HELZ2: variants seen among roughly 807,000 people sequenced by gnomAD.
HELZ2 encodes 3'-5' exoribonuclease HELZ2.
Under a neutral mutation model 208.8 loss-of-function variants are expected in HELZ2, and 143 were observed. The observed-to-expected ratio is 0.68, with a 90% CI of 0.60 to 0.79. HELZ2 has a LOEUF of 0.79. HELZ2 is among the 30% of genes least tolerant of loss of function. The pLI is 0.00. For missense variants in HELZ2, 3,690 were observed against 3,794.5 expected, an observed-to-expected ratio of 0.97 and a Z score of 0.72; for synonymous variants, 1,705 against 1,693.7, an observed-to-expected ratio of 1.01 and a Z score of -0.16.
chr20:63,562,848 C>T (rs750388568), exon 8 of HELZ2: 5 of 1,609,138 alleles, frequency 3.1e-6, no homozygotes, highest in East Asian at 2.2e-5. Flanking sequence ...TCGAGGAAGG[C>T]GGCCTCCAGG....
At chr20:63,562,026 C>G (rs2082893616) in intron 10 of HELZ2, 42 bp from the exon 12 acceptor site, 2 of 1,599,088 alleles carry the variant, frequency 1.3e-6, no homozygotes, top group Non-Finnish European at 8.5e-7. Flanking sequence ...CCCTGTGGGT[C>G]CCTGTGGCCC....
chr20:63,563,475 G>A (rs2146011000), exon 8 of HELZ2: 1 of 1,517,134 alleles, frequency 6.6e-7, no homozygotes. Flanking sequence ...GCCAGGGCGT[G>A]GGGGTGCTCG....
exon 6 of HELZ2, chr20:63,567,015 C>T (rs184746795): frequency 2.5e-6 from 4 of 1,611,212 alleles, no homozygotes; most frequent in Admixed American, 3.3e-5. Flanking sequence ...CGTGGCAGAA[C>T]ATGAGCGGGT....
chr20:63,560,430 C>T (rs1273093621), intron 16 of HELZ2, 49 bp downstream of exon 17: 2 of 1,597,214 alleles, frequency 1.3e-6, no homozygotes. Context: ...ACCACCTCAG[C>T]CACCTCCTCC....
chr20:63,564,156 G>A, exon 8 of HELZ2: 2 of 1,611,690 alleles, frequency 1.2e-6, no homozygotes, highest in South Asian at 1.1e-5. Flanking sequence ...CGGGGTGCTG[G>A]CTGCCACCGC....
exon 6 of HELZ2, chr20:63,567,144 G>A: frequency 1.2e-6 from 2 of 1,610,712 alleles, no homozygotes; most frequent in Non-Finnish European, 1.7e-6. Flanking sequence ...TCTCGTGGAA[G>A]ACCAGGCGGC....
chr20:63,570,920 G>A lies in HELZ2; in HGVS notation c.279-52C>T, dbSNP rs750492050. 6 of 1,458,860 alleles carry A rather than the reference G, an allele frequency of 4.1e-6. No individual in the cohort carries two copies. In the African/African-American group the frequency reaches 5.6e-5, roughly 14 times the overall value. 90.4% of individuals were successfully genotyped at this position (1,458,860 alleles called of 1,614,324 possible). On this transcript the variant is annotated intron_variant, in intron 1 of 18. Transcript: ENST00000467148. Reference sequence around the variant, plus strand: ...TACACAGAGGCACAGCCGCCGTGCTGAGTTCAAAGGCCGGGACCCCTCAGC... The same window carrying A: ...TACACAGAGGCACAGCCGCCGTGCTAAGTTCAAAGGCCGGGACCCCTCAGC...
chr20:63,559,264 C>T, exon 19 of HELZ2: 2 of 1,573,986 alleles, frequency 1.3e-6, no homozygotes, highest in Non-Finnish European at 1.7e-6. Flanking sequence ...GCATAGTTGG[C>T]CTCCTGCAGA....
downstream of HELZ2, chr20:63,558,979 G>T: frequency 2.8e-6 from 1 of 361,468 alleles, no homozygotes; most frequent in Non-Finnish European, 5.0e-6. Flanking sequence ...CCCAGGGACA[G>T]CAGAACTTCC....
rs373620476 is a variant in HELZ2 at position 63,561,071 on chromosome 20, C to T, written c.7146+11G>A. 44 of 1,606,318 alleles carry T rather than the reference C, an allele frequency of 2.7e-5. No individual in the cohort carries two copies. Among genetic ancestry groups the T allele is most frequent in the Admixed American group, 2.7e-4 (16 of 59,750 alleles). ...GCCTGCTCATGCTGCCCACACCCCC[C>T]GCCGACCAACCTTCTCGGCCTGTGG... On this transcript the variant is annotated intron_variant, in intron 14 of 18. Coordinates refer to ENST00000467148, the Ensembl canonical transcript of HELZ2.
rs200789141 is a variant in HELZ2 at position 63,566,905 on chromosome 20, C to G, written c.2453G>C (p.Trp818Ser). The change falls in exon 6 of 19, where the codon TGG becomes TCG. Residue 818 changes from tryptophan (W) to serine (S), a missense_variant. Transcript: ENST00000467148. ...CTCGCGGCCGCCCCAGCAGCTGGGCCAGGTGTTGTAGGCCTCCTGCACCTT... is the reference window on the plus strand; with the variant it reads ...CTCGCGGCCGCCCCAGCAGCTGGGCGAGGTGTTGTAGGCCTCCTGCACCTT... 5.0e-6 allele frequency: 8 copies of G among 1,609,222 alleles called. No homozygotes were observed. Among genetic ancestry groups the G allele is most frequent in the Non-Finnish European group, 6.8e-6 (8 of 1,179,868 alleles).
chr20:63,565,661 G>A (rs1483722686), exon 8 of HELZ2: 1 of 1,610,246 alleles, frequency 6.2e-7, no homozygotes, highest in East Asian at 2.2e-5. Flanking sequence ...TGCATCCTCA[G>A]CCTCCGTGGA....
chr20:63,565,947 GTCTCTGCGCC>G lies in HELZ2; in HGVS notation c.2865_2874del (p.Ala956GlyfsTer23). The stretch of plus-strand genomic sequence containing the variant: ...TGTGTGCCTCGGGGAGGCCAGCGCC[GTCTCTGCGCC>G]ACACCCTGCTCGACCTGCTCCATGG... On this transcript the variant is annotated frameshift_variant, in exon 8 of 19. Transcript: ENST00000467148. LOFTEE classifies it high-confidence loss of function. 2 of 1,598,890 alleles carry G rather than the reference GTCTCTGCGCC, an allele frequency of 1.3e-6. No homozygotes were observed. The highest frequency in any genetic ancestry group is 1.7e-6 in the Non-Finnish European group (2 of 1,179,498).
chr20:63,563,969 ATCTGT>A lies in HELZ2; in HGVS notation c.4848_4852del (p.Glu1616AspfsTer150), dbSNP rs1316187324. The A allele has an allele frequency of 2.2e-5, 35 of 1,598,564 alleles. No individual in the cohort carries two copies. The highest frequency in any genetic ancestry group is 2.9e-5 in the Non-Finnish European group (34 of 1,171,372). On this transcript the variant is annotated frameshift_variant, in exon 8 of 19. Coordinates refer to ENST00000467148, the Ensembl canonical transcript of HELZ2. LOFTEE classifies it high-confidence loss of function. Reference sequence around the variant, plus strand: ...GTCGTCCGTGGTGACCAAGTCCACCATCTGTTCGTAGTCCTGGGTGCGGGCAGCAA... The same window carrying A: ...GTCGTCCGTGGTGACCAAGTCCACCATCGTAGTCCTGGGTGCGGGCAGCAA...
exon 8 of HELZ2, chr20:63,565,519 G>A (rs769162955): frequency 3.2e-5 from 52 of 1,606,350 alleles, no homozygotes; most frequent in Middle Eastern, 1.6e-4. Flanking sequence ...GCAGGGACTC[G>A]GGCCTGGCGA....
At chr20:63,564,498 T>C in exon 8 of HELZ2, 1 of 1,588,204 alleles carries the variant, frequency 6.3e-7, no homozygotes, top group Non-Finnish European at 8.6e-7. Context: ...AAGCGCAGGC[T>C]CTTCAGCTGG....
Position 63,561,066 on chromosome 20 carries a change from C to A in HELZ2, c.7146+16G>T, listed in dbSNP as rs755240975. On this transcript the variant is annotated intron_variant, in intron 14 of 18. Coordinates refer to ENST00000467148, the Ensembl canonical transcript of HELZ2. Reference sequence around the variant, plus strand: ...GGGACGCCTGCTCATGCTGCCCACACCCCCCGCCGACCAACCTTCTCGGCC... The same window carrying A: ...GGGACGCCTGCTCATGCTGCCCACAACCCCCGCCGACCAACCTTCTCGGCC... 5.6e-6 allele frequency: 9 copies of A among 1,603,774 alleles called. No individual in the cohort carries two copies. Among genetic ancestry groups the A allele is most frequent in the Non-Finnish European group, 7.7e-6 (9 of 1,174,186 alleles).
downstream of HELZ2, chr20:63,559,147 GC>G: frequency 7.6e-7 from 1 of 1,315,998 alleles, no homozygotes; most frequent in Non-Finnish European, 1.0e-6. Context: ...CAGGAGGCAG[GC>G]TGGCCCAGGC....
exon 8 of HELZ2, chr20:63,565,976 T>C (rs1224940793): frequency 1.3e-6 from 2 of 1,599,034 alleles, no homozygotes; most frequent in Non-Finnish European, 1.7e-6. Flanking sequence ...CTCGACCTGC[T>C]CCATGGACAG....
Sources: gnomAD v4.1 joint callset for allele counts on GRCh38, gnomAD v4.1.1 for gene constraint, MANE v1.5 for transcripts, NCBI Gene and HGNC (gene_info 2026-07-23, HGNC 2026-07-21) for gene names.